The following SAMMSON variants were observed in gnomAD, a reference collection of about 807,000 sequenced individuals.
SAMMSON encodes the protein survival associated mitochondrial melanoma specific oncogenic non-coding RNA, also known as long intergenic non-protein coding RNA 1212.
intron 9 of SAMMSON, among the ~76,000 whole-genome samples, chr3:70,365,228 A>T (rs1559573441): frequency 6.6e-6 from 1 of 151,514 alleles, no homozygotes; most frequent in Non-Finnish European, 1.5e-5. Flanking sequence ...TTCTCCAGGG[A>T]GTCCTGGTTG....
intron 2 of SAMMSON, among the ~76,000 whole-genome samples, chr3:70,414,686 C>T (rs774952531): frequency 3.9e-5 from 6 of 152,168 alleles, no homozygotes; most frequent in Admixed American, 6.6e-5. Context: ...AGTTAGATCA[C>T]GTAATCTTTC....
chr3:70,375,801 T>G (rs1361629905), intron 9 of SAMMSON, among the ~76,000 whole-genome samples: 1 of 152,188 alleles, frequency 6.6e-6, no homozygotes, highest in Non-Finnish European at 1.5e-5. Context: ...AGGAACTGTA[T>G]TTTTGCTGAC....
intron 6 of SAMMSON, among the ~76,000 whole-genome samples, chr3:70,290,802 G>A (rs142105516): frequency 5.9e-5 from 9 of 152,290 alleles, no homozygotes; most frequent in African/African-American, 2.2e-4. Flanking sequence ...CGCAGTATTC[G>A]GGTGGGAGTG....
intron 6 of SAMMSON, among the ~76,000 whole-genome samples, chr3:70,270,451 T>G (rs1701965752): frequency 6.6e-6 from 1 of 152,208 alleles, no homozygotes; most frequent in Admixed American, 6.5e-5. Context: ...AGTTTTGTGT[T>G]TCATTCACTT....
intron 2 of SAMMSON, among the ~76,000 whole-genome samples, chr3:70,401,680 T>C (rs1701143322): frequency 6.6e-6 from 1 of 152,182 alleles, no homozygotes; most frequent in African/African-American, 2.4e-5. Flanking sequence ...GTGGTTAAGA[T>C]TTAGTCTAAG....
chr3:70,161,155 A>G (rs934974943), intron 4 of SAMMSON, among the ~76,000 whole-genome samples: 1 of 151,916 alleles, frequency 6.6e-6, no homozygotes, highest in Non-Finnish European at 1.5e-5. Context: ...TTTCTTTTGT[A>G]TGCCTTTCAT....
At chr3:70,295,390 T>A (rs115227239) in intron 7 of SAMMSON, among the ~76,000 whole-genome samples, 1,662 of 152,268 alleles carry the variant, frequency 0.011, 22 homozygotes, top group African/African-American at 0.037. Flanking sequence ...TTTGACTGAA[T>A]TATTCCCAAA....
chr3:70,171,867 A>G (rs1240557606), intron 4 of SAMMSON, among the ~76,000 whole-genome samples: 2 of 151,958 alleles, frequency 1.3e-5, no homozygotes, highest in Non-Finnish European at 2.9e-5. Context: ...CACCTGGCGT[A>G]TTAGACTAGG....
chr3:70,133,613 G>A (rs116682568), intron 4 of SAMMSON, among the ~76,000 whole-genome samples: 2,024 of 152,204 alleles, frequency 0.013, 46 homozygotes, highest in African/African-American at 0.046. Flanking sequence ...GGTATCTGAA[G>A]TGTGGGTAGT....
rs1158519705 is a variant in SAMMSON, at chr3:70,125,864, C to T, written n.507+54299C>T. 4 of 678,100 alleles carry T rather than the reference C, an allele frequency of 5.9e-6. No individual in the cohort carries two copies. The African/African-American group carries it at 7.1e-5, about 12-fold the overall frequency. The allele number at this position is 678,100 out of a possible 1,614,324, so 42.0% of individuals were successfully genotyped here. A position where few individuals can be genotyped will look rare whatever the true frequency, so the allele number is the denominator to read the frequency against. ...AGTTTGTTCATTTTCTGTTGGTCCT[C>T]ATCATCACTGCTGTCATCTTCTAAT... On this transcript the variant is annotated intron_variant and non_coding_transcript_variant, in intron 4 of 9. Transcript: ENST00000642114.
intron 3 of SAMMSON, among the ~76,000 whole-genome samples, chr3:70,042,562 A>G (rs2067109915): frequency 6.6e-6 from 1 of 152,092 alleles, no homozygotes; most frequent in Non-Finnish European, 1.5e-5. Context: ...ACAACACACT[A>G]TACTAGAATC....
At position 70,125,951 on chromosome 3, in the gene SAMMSON, A is replaced by G. The variant is rs865876511; in HGVS notation, n.507+54386A>G. ...GGAGGTTCCTCAGGTGGCTGAGGAG[A>G]TGTGGGTGGAAGAGGTGGATGCAAT... On this transcript the variant is annotated intron_variant and non_coding_transcript_variant, in intron 4 of 9. Coordinates refer to ENST00000642114, the Ensembl canonical transcript of SAMMSON. 9.0e-5 allele frequency: 68 copies of G among 759,218 alleles called. 1 individual carries two copies. The Middle Eastern group carries it at 4.5e-3, about 50-fold the overall frequency. The allele number at this position is 759,218 out of a possible 1,614,324, so 47.0% of individuals were successfully genotyped here. A position where few individuals can be genotyped will look rare whatever the true frequency, so the allele number is the denominator to read the frequency against.
intron 4 of SAMMSON, among the ~76,000 whole-genome samples, chr3:70,206,953 AAAG>A (rs1470915250): frequency 6.6e-6 from 1 of 152,086 alleles, no homozygotes; most frequent in African/African-American, 2.4e-5. Context: ...AAAATATGAG[AAAG>A]AAGAGTGCAA....
intron 4 of SAMMSON, among the ~76,000 whole-genome samples, chr3:70,121,639 T>G (rs963162700): frequency 2.0e-5 from 3 of 152,172 alleles, no homozygotes; most frequent in Non-Finnish European, 4.4e-5. Context: ...AACTTGGGGC[T>G]TTGAAAGTCT....
intron 7 of SAMMSON, among the ~76,000 whole-genome samples, chr3:70,311,230 A>T (rs1702450950): frequency 6.6e-6 from 1 of 152,220 alleles, no homozygotes; most frequent in Non-Finnish European, 1.5e-5. Context: ...TTTAGATAAA[A>T]TATCAAATGT....
chr3:70,432,661 T>C (rs1701423813), intron 2 of SAMMSON, among the ~76,000 whole-genome samples: 1 of 152,066 alleles, frequency 6.6e-6, no homozygotes, highest in Admixed American at 6.5e-5. Context: ...TGATGCATTA[T>C]TGTTAAATAA....
intron 6 of SAMMSON, among the ~76,000 whole-genome samples, chr3:70,268,897 A>G (rs1701948506): frequency 1.3e-5 from 2 of 152,308 alleles, no homozygotes; most frequent in African/African-American, 4.8e-5. Context: ...TGGAGCACAT[A>G]TTATGTATGG....
intron 7 of SAMMSON, among the ~76,000 whole-genome samples, chr3:70,348,607 T>G (rs1435055123): frequency 1.3e-5 from 2 of 152,122 alleles, no homozygotes; most frequent in African/African-American, 4.8e-5. Context: ...CATTGGAGAC[T>G]AGGTTTCAAC....
At chr3:70,016,384 C>A (rs1214524094) in intron 3 of SAMMSON, among the ~76,000 whole-genome samples, 2 of 152,054 alleles carry the variant, frequency 1.3e-5, no homozygotes, top group African/African-American at 4.8e-5. Context: ...CATTGAGATC[C>A]TTTTGAGAAG....
Sources: allele counts gnomAD v4.1 joint callset (sites outside exome capture counted in the v4.1 genomes callset), GRCh38; gene constraint gnomAD v4.1.1; transcripts MANE v1.5; gene names NCBI Gene and HGNC (gene_info 2026-07-23, HGNC 2026-07-21).